The following ACACB variants were observed in gnomAD, a reference collection of about 807,000 sequenced individuals.
ACACB encodes acetyl-CoA carboxylase beta.
A neutral mutation model predicts 278.8 loss-of-function variants in ACACB; 209 were observed. The ratio of observed to expected loss-of-function variants is 0.75; its 90% confidence interval spans 0.67 to 0.84. The LOEUF (loss-of-function observed/expected upper bound fraction) is 0.84. Ranked by LOEUF, ACACB falls within the 40% of genes least tolerant of loss-of-function variation. The pLI is 0.00. For missense variants in ACACB, 2,850 were observed against 3,269.0 expected (o/e 0.87, Z 3.13); for synonymous variants, 1,174 against 1,285.6 (o/e 0.91, Z 1.86).
intron 2 of ACACB, among the ~76,000 whole-genome samples, chr12:109,153,381 G>A (rs528951142): frequency 4.6e-5 from 7 of 152,326 alleles, no homozygotes; most frequent in Non-Finnish European, 1.0e-4. Flanking sequence ...TGATTGTAGG[G>A]ACCAAGGGAA....
intron 24 of ACACB, among the ~76,000 whole-genome samples, chr12:109,220,594 C>CA (rs2046131652): frequency 6.6e-6 from 1 of 152,162 alleles, no homozygotes; most frequent in South Asian, 2.1e-4. Flanking sequence ...CTCTGTCACC[C>CA]AGGTTGGAGT....
At chr12:109,167,019 G>A (rs758187795) in intron 3 of ACACB, 26 bp downstream of exon 3, 1 of 1,613,664 alleles carries the variant, frequency 6.2e-7, no homozygotes, top group Non-Finnish European at 8.5e-7. Context: ...GGCACTCTGG[G>A]TGGGGTCCGA....
At position 109,250,068 on chromosome 12, in the gene ACACB, C is replaced by T. The variant is rs1226599816; in HGVS notation, c.5754C>T (p.Ser1918=). The change falls in exon 41 of 53, where the codon TCC becomes TCT. Residue 1918 remains serine, a synonymous_variant. Transcript: ENST00000338432. The part of the protein sequence containing the change: ...LRGSGMIAGE[S]SLAYEEIVTI... ...GCTCAGGCATGATTGCTGGGGAGTC[C>T]TCTCTGGCTTACGAAGAGATCGTCA... The T allele has an allele frequency of 1.2e-6, 2 of 1,612,850 alleles. No homozygotes were observed. Among genetic ancestry groups the T allele is most frequent in the Admixed American group, 1.7e-5 (1 of 59,846 alleles).
At chr12:109,194,511 C>CGT (rs529461816) in intron 16 of ACACB, among the ~76,000 whole-genome samples, 583 of 54,316 alleles carry the variant, frequency 0.011, 12 homozygotes, top group Middle Eastern at 0.043. Flanking sequence ...TCTGTGTGTG[C>CGT]ATGTGTGTGT....
At chr12:109,135,104 A>G (rs1299539934) in intron 1 of ACACB, among the ~76,000 whole-genome samples, 1 of 152,148 alleles carries the variant, frequency 6.6e-6, no homozygotes. Flanking sequence ...TTTTTCCACA[A>G]CGGCTACAAC....
intron 39 of ACACB, 111 bp from the exon 40 acceptor site, chr12:109,247,495 T>C (rs1212948935): frequency 1.3e-6 from 1 of 743,034 alleles, no homozygotes; most frequent in Admixed American, 2.2e-5. Flanking sequence ...ATTGACATGT[T>C]ACTAACATGT....
At chr12:109,150,898 C>T (rs887480296) in intron 2 of ACACB, among the ~76,000 whole-genome samples, 16 of 152,102 alleles carry the variant, frequency 1.1e-4, no homozygotes, top group Non-Finnish European at 1.9e-4. Flanking sequence ...CTGGGAGAAA[C>T]TCTCTTTTCA....
chr12:109,174,049 C>A, intron 6 of ACACB, 83 bp from the exon 7 acceptor site: 1 of 1,185,086 alleles, frequency 8.4e-7, no homozygotes, highest in South Asian at 1.4e-5. Flanking sequence ...CTGGCCCCAC[C>A]ACCGTGCACT....
chr12:109,215,639 C>T lies in ACACB; in HGVS notation c.3351-979C>T, dbSNP rs377726950. Among the ~76,000 whole-genome samples the T allele has an allele frequency of 3.5e-3, 532 of 152,172 alleles. 5 individuals are homozygous for T. The highest frequency in any genetic ancestry group is 0.012 in the African/African-American group (512 of 41,534). On this transcript the variant is annotated intron_variant, in intron 22 of 52. Coordinates refer to ENST00000338432, the MANE Select transcript of ACACB (RefSeq NM_001093.4). ...ATTAGCCGAGCGTGGGTGGCAGGCG[C>T]CTGTAGTCCCAGCTACTCGGGAGGC... is the stretch of plus-strand genomic sequence containing the variant.
chr12:109,169,126 CAG>C (rs1343927610), intron 4 of ACACB, among the ~76,000 whole-genome samples: 4 of 113,140 alleles, frequency 3.5e-5, no homozygotes, highest in Non-Finnish European at 6.7e-5. Flanking sequence ...GCCTGGGCGA[CAG>C]AGTGAGACTG....
chr12:109,260,004 A>G (rs1273908547), intron 47 of ACACB: 1 of 1,225,176 alleles, frequency 8.2e-7, no homozygotes, highest in Admixed American at 1.9e-5. Context: ...CTGATGAGCT[A>G]ATTGCTGACA....
intron 2 of ACACB, among the ~76,000 whole-genome samples, chr12:109,156,607 G>T (rs71456684): frequency 2.1e-4 from 10 of 48,260 alleles, no homozygotes; most frequent in Admixed American, 3.5e-4. Flanking sequence ...TTTTTTTTGG[G>T]GGGGGGCTAT....
chr12:109,243,826 C>T (rs957622063), intron 37 of ACACB, among the ~76,000 whole-genome samples: 2 of 151,378 alleles, frequency 1.3e-5, no homozygotes. Context: ...GAACCACTGA[C>T]ATTGGTGATG....
At chr12:109,119,984 G>A (rs73195479) in intron 1 of ACACB, among the ~76,000 whole-genome samples, 2,309 of 152,274 alleles carry the variant, frequency 0.015, 23 homozygotes, top group Non-Finnish European at 0.02. Flanking sequence ...ATGAGTGAAG[G>A]TGATATCAGA....
intron 2 of ACACB, among the ~76,000 whole-genome samples, chr12:109,140,271 T>TTCC (rs2043081006): frequency 1.7e-4 from 7 of 40,596 alleles, no homozygotes; most frequent in East Asian, 2.1e-3. Context: ...TCCTTCCTTC[T>TTCC]TTCCTTCCTT....
intron 27 of ACACB, 28 bp from the exon 28 acceptor site, chr12:109,227,343 G>T (rs201863380): frequency 3.5e-5 from 55 of 1,594,016 alleles, no homozygotes; most frequent in Non-Finnish European, 4.3e-5. Flanking sequence ...GCCCCTGAGA[G>T]AATGTCCGTG....
intron 4 of ACACB, 32 bp downstream of exon 4, chr12:109,168,066 C>T (rs758231402): frequency 2.0e-5 from 32 of 1,580,828 alleles, no homozygotes; most frequent in Middle Eastern, 1.7e-4. Context: ...CCTCCCATCA[C>T]GCTCCATCCT....
intron 47 of ACACB, 49 bp from the exon 48 acceptor site, chr12:109,260,431 T>C (rs759780999): frequency 6.2e-7 from 1 of 1,608,564 alleles, no homozygotes; most frequent in Non-Finnish European, 8.5e-7. Context: ...GTGGGTTTCA[T>C]GTGTGGATGA....
chr12:109,180,994 C>T (rs1441739385), intron 11 of ACACB, among the ~76,000 whole-genome samples: 1 of 152,118 alleles, frequency 6.6e-6, no homozygotes, highest in Non-Finnish European at 1.5e-5. Flanking sequence ...CCTTTCCAGC[C>T]TCTGGTAACC....
Sources: allele counts gnomAD v4.1 joint callset (sites outside exome capture counted in the v4.1 genomes callset), GRCh38; gene constraint gnomAD v4.1.1; transcripts MANE v1.5; gene names NCBI Gene and HGNC (gene_info 2026-07-23, HGNC 2026-07-21).